MGAT5: variants seen among roughly 807,000 people sequenced by gnomAD.
MGAT5 encodes the protein alpha-1,6-mannosylglycoprotein 6-beta-N-acetylglucosaminyltransferase.
In MGAT5, 30 loss-of-function variants were observed where a neutral mutation model predicts 94.3. The ratio of observed to expected loss-of-function variants is 0.32; its 90% CI spans 0.24 to 0.43. MGAT5 has a LOEUF of 0.43. Among genes scored for constraint, MGAT5 ranks in the 20% least tolerant of loss-of-function variants. The probability of loss-of-function intolerance (pLI) is 1.00; values close to 1 mark genes in which losing one functional copy is unlikely to be tolerated. For synonymous variants in MGAT5, 310 were observed against 322.9 expected, an observed-to-expected ratio of 0.96 and a Z score of 0.43; for missense variants, 691 against 905.5, an observed-to-expected ratio of 0.76 and a Z score of 3.04.
At chr2:134,222,422 A>G in intron 1 of MGAT5, among the ~76,000 whole-genome samples, 1 of 152,254 alleles carries the variant, frequency 6.6e-6, no homozygotes. Flanking sequence ...ATTAAGGGTT[A>G]TTTGAATTCT....
intron 3 of MGAT5, among the ~76,000 whole-genome samples, chr2:134,318,075 C>CT (rs900470977): frequency 7.9e-5 from 12 of 151,960 alleles, no homozygotes; most frequent in East Asian, 1.9e-4. Flanking sequence ...TACTTGGCTG[C>CT]TTTTTTTTCC....
At chr2:134,391,305 G>A (rs577362925) in intron 10 of MGAT5, among the ~76,000 whole-genome samples, 3 of 152,290 alleles carry the variant, frequency 2.0e-5, no homozygotes, top group Admixed American at 6.5e-5. Flanking sequence ...TGAATGGCAG[G>A]ATGGCACTTC....
rs537062383 is a variant in MGAT5 at position 134,377,350 on chromosome 2, G to A, written c.1380+14942G>A. On this transcript the variant is annotated intron_variant, in intron 10 of 15. Transcript: ENST00000281923. The stretch of plus-strand genomic sequence containing the variant: ...GTCTAAGCAGAAAGAAAGGTGAAGG[G>A]GCTGGAGCCTTTTCTCAAGAAATAG... Among the ~76,000 whole-genome samples, 9 of 152,268 alleles carry A rather than the reference G, an allele frequency of 5.9e-5. No individual in the cohort carries two copies. The South Asian group carries it at 1.0e-3, about 18-fold the overall frequency.
chr2:134,167,147 G>A (rs367552549), intron 1 of MGAT5, among the ~76,000 whole-genome samples: 1 of 152,300 alleles, frequency 6.6e-6, no homozygotes, highest in African/African-American at 2.4e-5. Context: ...ATTTGTTCCT[G>A]TAATTACATC....
At chr2:134,135,726 C>G (rs1686378915) in intron 1 of MGAT5, among the ~76,000 whole-genome samples, 1 of 150,312 alleles carries the variant, frequency 6.7e-6, no homozygotes, top group African/African-American at 2.4e-5. Context: ...AAACCTTGGC[C>G]CACATGTGGG....
At chr2:134,406,315 C>A (rs1422950698) in intron 11 of MGAT5, among the ~76,000 whole-genome samples, 4 of 152,122 alleles carry the variant, frequency 2.6e-5, no homozygotes, top group Middle Eastern at 3.2e-3. Context: ...AGAAAACAGG[C>A]AAAGCTGTGG....
intron 1 of MGAT5, among the ~76,000 whole-genome samples, chr2:134,152,744 G>T (rs1188011205): frequency 6.6e-6 from 1 of 152,126 alleles, no homozygotes; most frequent in Admixed American, 6.5e-5. Flanking sequence ...AGTTTTAAAA[G>T]AAAAGTATGA....
At chr2:134,125,543 C>A (rs540596639) in intron 1 of MGAT5, among the ~76,000 whole-genome samples, 1 of 152,328 alleles carries the variant, frequency 6.6e-6, no homozygotes, top group South Asian at 2.1e-4. Context: ...TTCTCAAAGT[C>A]TCACCAGCAG....
chr2:134,292,244 TA>T (rs1208027192), intron 2 of MGAT5, among the ~76,000 whole-genome samples: 1 of 152,194 alleles, frequency 6.6e-6, no homozygotes, highest in African/African-American at 2.4e-5. Flanking sequence ...TATTTACTGT[TA>T]ATAGCAATTG....
chr2:134,260,285 T>A (rs900056081), intron 1 of MGAT5, among the ~76,000 whole-genome samples: 1 of 152,280 alleles, frequency 6.6e-6, no homozygotes, highest in South Asian at 2.1e-4. Context: ...AGGAAGGAAG[T>A]TTTTTCCTTA....
chr2:134,276,012 T>A lies in MGAT5; in HGVS notation c.406+5462T>A, dbSNP rs192655282. ...TTGTGGCAGGTTTGTGAAATTCCGA[T>A]CTATGAGATACTGTTAGAATCTGGT... is the stretch of plus-strand genomic sequence containing the variant. On this transcript the variant is annotated intron_variant, in intron 2 of 15. Coordinates refer to ENST00000281923, the MANE Select transcript of MGAT5 (RefSeq NM_002410.5). Among the ~76,000 whole-genome samples the A allele has an allele frequency of 2.8e-3, 430 of 152,218 alleles. 4 individuals carry two copies. Among genetic ancestry groups the A allele is most frequent in the African/African-American group, 0.01 (423 of 41,518 alleles).
intron 1 of MGAT5, among the ~76,000 whole-genome samples, chr2:134,201,287 G>T (rs62165714): frequency 0.17 from 25,567 of 152,028 alleles, 2,197 homozygotes; most frequent in Non-Finnish European, 0.18. Flanking sequence ...TCCAGGGGTT[G>T]GTAGGAGCAG....
chr2:134,260,544 T>C (rs3791260), intron 1 of MGAT5, among the ~76,000 whole-genome samples: 33,366 of 152,084 alleles, frequency 0.22, 5,260 homozygotes, highest in African/African-American at 0.41. Context: ...TCCACCTCTC[T>C]TGTGAAAAAG....
intron 10 of MGAT5, among the ~76,000 whole-genome samples, chr2:134,387,954 C>A (rs1273386431): frequency 2.0e-5 from 3 of 152,122 alleles, no homozygotes; most frequent in Non-Finnish European, 4.4e-5. Context: ...ACATGTAATT[C>A]TTTGATGACA....
chr2:134,346,318 T>C (rs1018015069), intron 8 of MGAT5, among the ~76,000 whole-genome samples: 1 of 152,192 alleles, frequency 6.6e-6, no homozygotes, highest in African/African-American at 2.4e-5. Flanking sequence ...CACCGTTGAT[T>C]GGTATTTGAT....
At chr2:134,447,395 A>G (rs1180971333) in intron 15 of MGAT5, among the ~76,000 whole-genome samples, 1 of 152,214 alleles carries the variant, frequency 6.6e-6, no homozygotes, top group African/African-American at 2.4e-5. Context: ...GTTGCCATTT[A>G]TCCACTTACT....
chr2:134,436,390 A>C (rs902465405), intron 14 of MGAT5, among the ~76,000 whole-genome samples: 8 of 152,180 alleles, frequency 5.3e-5, no homozygotes, highest in Admixed American at 4.6e-4. Context: ...CCCCCAAAAC[A>C]GACTGCTGAG....
intron 1 of MGAT5, among the ~76,000 whole-genome samples, chr2:134,194,013 A>G (rs139802522): frequency 2.4e-3 from 359 of 152,310 alleles, no homozygotes; most frequent in South Asian, 4.4e-3. Flanking sequence ...TACTGGGTTA[A>G]TGAACAGGCA....
At chr2:134,145,172 A>G (rs1686852618) in intron 1 of MGAT5, among the ~76,000 whole-genome samples, 1 of 150,962 alleles carries the variant, frequency 6.6e-6, no homozygotes, top group South Asian at 2.1e-4. Flanking sequence ...CCTTCCTTCC[A>G]AGGAATTATA....
Sources: allele counts gnomAD v4.1 joint callset (sites outside exome capture counted in the v4.1 genomes callset), GRCh38; gene constraint gnomAD v4.1.1; transcripts MANE v1.5; gene names NCBI Gene and HGNC (gene_info 2026-07-23, HGNC 2026-07-21).